ZNF503: variants seen among roughly 807,000 people sequenced by gnomAD.
The protein encoded by ZNF503 is NocA-like zinc finger 2.
Under a neutral mutation model 34.4 loss-of-function variants are expected in ZNF503, and 15 were observed. The ratio of observed to expected loss-of-function variants is 0.44; its 90% CI spans 0.29 to 0.67. The LOEUF is 0.67. Among genes scored for constraint, ZNF503 ranks in the 30% least tolerant of loss-of-function variants. The pLI is 0.13. For missense variants in ZNF503, 1,007 were observed against 926.8 expected (o/e 1.09, Z -1.12); for synonymous variants, 580 against 456.8 (o/e 1.27, Z -3.44).
chr10:75,347,253 G>T, the ZNF503 span, among the ~76,000 whole-genome samples: 1 of 152,212 alleles, frequency 6.6e-6, no homozygotes. Context: ...CTATGTTCAT[G>T]TCTCCAGCTA....
the ZNF503 span, among the ~76,000 whole-genome samples, chr10:75,383,046 C>G: frequency 6.6e-6 from 1 of 152,180 alleles, no homozygotes; most frequent in Non-Finnish European, 1.5e-5. Context: ...ACACACTGCT[C>G]TGGATTCTCT....
At chr10:75,285,026 T>C in the ZNF503 span, among the ~76,000 whole-genome samples, 3 of 152,210 alleles carry the variant, frequency 2.0e-5, no homozygotes, top group African/African-American at 7.2e-5. Flanking sequence ...AATGACCCAT[T>C]ACTACTTATT....
chr10:75,340,126 A>G, the ZNF503 span, among the ~76,000 whole-genome samples: 1 of 107,812 alleles, frequency 9.3e-6, no homozygotes, highest in African/African-American at 3.6e-5. Context: ...AGGTGGGAGG[A>G]TCACCTGAAT....
chr10:75,306,631 A>C, the ZNF503 span, among the ~76,000 whole-genome samples: 1 of 152,138 alleles, frequency 6.6e-6, no homozygotes, highest in African/African-American at 2.4e-5. Context: ...TGTTTTTTAC[A>C]AATTGAAAAT....
chr10:75,401,360 G>T lies in ZNF503; in HGVS notation c.60C>A (p.Gly20=), dbSNP rs540164655. 271 of 1,462,078 alleles carry T rather than the reference G, an allele frequency of 1.9e-4. 1 individual carries two copies. In the East Asian group the frequency reaches 4.7e-3, roughly 26 times the overall value. 90.6% of individuals were successfully genotyped at this position (1,462,078 alleles called of 1,614,324 possible). Reference sequence around the variant, plus strand: ...CTGCACCGCCGCCTCCGCCTCCGCCGCCGCCGCCGCCGCTGTGCTTACTGC... The same window carrying T: ...CTGCACCGCCGCCTCCGCCTCCGCCTCCGCCGCCGCCGCTGTGCTTACTGC... ...LRSSKHSGGG[G]GGGGGGGADP... is the part of the protein sequence containing the mutation. The change falls in exon 1 of 2, where the codon GGC becomes GGA. Residue 20 remains glycine, a synonymous_variant. Coordinates refer to ENST00000372524, the MANE Select transcript of ZNF503 (RefSeq NM_032772.6).
At chr10:75,319,122 A>C in the ZNF503 span, among the ~76,000 whole-genome samples, 1 of 152,006 alleles carries the variant, frequency 6.6e-6, no homozygotes, top group Non-Finnish European at 1.5e-5. Context: ...GCCATGCCTG[A>C]CTAATTTTTA....
the ZNF503 span, among the ~76,000 whole-genome samples, chr10:75,347,245 A>G: frequency 1.3e-5 from 2 of 152,240 alleles, no homozygotes; most frequent in African/African-American, 4.8e-5. Context: ...AGATGTGACT[A>G]TGTTCATGTC....
chr10:75,366,612 C>A, the ZNF503 span, among the ~76,000 whole-genome samples: 3 of 152,358 alleles, frequency 2.0e-5, no homozygotes, highest in Non-Finnish European at 4.4e-5. Flanking sequence ...GATGTTTGAA[C>A]TGTACAAGGT....
the ZNF503 span, among the ~76,000 whole-genome samples, chr10:75,281,752 G>A: frequency 6.6e-6 from 1 of 152,200 alleles, no homozygotes; most frequent in Non-Finnish European, 1.5e-5. Context: ...ACACATGGGG[G>A]AGTGATCATG....
rs781301875 is a variant in ZNF503 at position 75,398,604 on chromosome 10, T to C, written c.*145A>G. On this transcript the variant is annotated 3_prime_UTR_variant, in exon 2 of 2. Coordinates refer to ENST00000372524, the MANE Select transcript of ZNF503 (RefSeq NM_032772.6). ...GTCTCGGTCGCTGCTGTCGGGTAGA[T>C]AGATACGGTATACATTTCTTTCCTT... 14 of 679,154 alleles carry C rather than the reference T, an allele frequency of 2.1e-5. No homozygotes were observed. The highest frequency in any genetic ancestry group is 2.9e-5 in the Non-Finnish European group (14 of 481,566). The allele number at this position is 679,154 out of a possible 1,614,324, so 42.1% of individuals were successfully genotyped here. A position where few individuals can be genotyped will look rare whatever the true frequency, so the allele number is the denominator to read the frequency against.
the ZNF503 span, chr10:75,338,428 G>A: frequency 6.6e-6 from 1 of 152,234 alleles, no homozygotes; most frequent in African/African-American, 2.4e-5. Flanking sequence ...AGATAAGTAA[G>A]GAGAAATATA....
the ZNF503 span, among the ~76,000 whole-genome samples, chr10:75,319,078 CCT>C: frequency 6.6e-6 from 1 of 152,030 alleles, no homozygotes; most frequent in African/African-American, 2.4e-5. Flanking sequence ...TCCCACCTCA[CCT>C]TCCTGAGTAG....
chr10:75,362,414 T>C, the ZNF503 span, among the ~76,000 whole-genome samples: 1 of 151,992 alleles, frequency 6.6e-6, no homozygotes, highest in African/African-American at 2.4e-5. Context: ...GCTTGACCAT[T>C]TCTGGGAAGT....
chr10:75,345,079 A>C, the ZNF503 span, among the ~76,000 whole-genome samples: 1 of 152,240 alleles, frequency 6.6e-6, no homozygotes, highest in Non-Finnish European at 1.5e-5. Flanking sequence ...TGGCAGATAA[A>C]CAATGTTTCC....
chr10:75,359,309 A>G, the ZNF503 span, among the ~76,000 whole-genome samples: 2 of 152,242 alleles, frequency 1.3e-5, no homozygotes, highest in Non-Finnish European at 2.9e-5. Flanking sequence ...ATTCTTTCAT[A>G]ACATCAGCAA....
the ZNF503 span, among the ~76,000 whole-genome samples, chr10:75,316,737 G>A: frequency 2.0e-5 from 3 of 152,130 alleles, no homozygotes; most frequent in African/African-American, 7.2e-5. Flanking sequence ...TGATATGAAA[G>A]TAGTAATTAA....
chr10:75,283,961 C>G, the ZNF503 span: 1 of 152,180 alleles, frequency 6.6e-6, no homozygotes, highest in Admixed American at 6.5e-5. Context: ...CTGCTTTGCA[C>G]GGCAATTAGC....
At chr10:75,396,860 G>T (rs1843707023), downstream of ZNF503, among the ~76,000 whole-genome samples, 1 of 152,142 alleles carries the variant, frequency 6.6e-6, no homozygotes, top group Non-Finnish European at 1.5e-5. This position sits in a 1 kb window ranked among gnomAD's most constrained non-coding sequence, Gnocchi z 4.4. Flanking sequence ...AAGGGACTGA[G>T]ACTTTTTTCT....
chr10:75,337,618 C>CA, the ZNF503 span, among the ~76,000 whole-genome samples: 42,028 of 148,036 alleles, frequency 0.28, 6,040 homozygotes, highest in Middle Eastern at 0.38. Context: ...ACTCCGTCTC[C>CA]AAAAGAAAAA....
Sources: allele counts gnomAD v4.1 joint callset (sites outside exome capture counted in the v4.1 genomes callset), GRCh38; gene constraint gnomAD v4.1.1; non-coding constraint Gnocchi (gnomAD v3.1); transcripts MANE v1.5; gene names NCBI Gene and HGNC (gene_info 2026-07-23, HGNC 2026-07-21).